Variants in SGCZ observed in about 807,000 individuals in gnomAD.
SGCZ encodes the protein sarcoglycan zeta, also known as zeta-sarcoglycan.
SGCZ carries 40 observed loss-of-function variants against 41.3 expected under a neutral mutation model. The ratio of observed to expected loss-of-function variants is 0.97; its 90% CI spans 0.75 to 1.26. The LOEUF is 1.26. SGCZ is among the 50% of genes most tolerant of loss of function. The probability of loss-of-function intolerance (pLI) is 0.00; values close to 1 mark genes in which losing one functional copy is unlikely to be tolerated. For missense variants in SGCZ, 552 were observed against 369.8 expected (o/e 1.49, Z -4.04); for synonymous variants, 206 against 137.5 (o/e 1.50, Z -3.49).
rs183213795 is a variant in SGCZ at position 15,161,750 on chromosome 8, A to T, written c.39+75835T>A. 5.3e-5 allele frequency among the ~76,000 whole-genome samples: 8 copies of T among 152,376 alleles called. No individual in the cohort carries two copies. The East Asian group carries it at 1.4e-3, about 26-fold the overall frequency. On this transcript the variant is annotated intron_variant, in intron 1 of 7. Transcript: ENST00000382080. ...ACAGTTGGCAATTAACAAATTAAAAAGAGGCTGGGTGCCGTGGCTCACATC... is the reference window on the plus strand; with the variant it reads ...ACAGTTGGCAATTAACAAATTAAAATGAGGCTGGGTGCCGTGGCTCACATC...
chr8:15,182,396 C>G (rs1459789869), intron 1 of SGCZ, among the ~76,000 whole-genome samples: 1 of 152,140 alleles, frequency 6.6e-6, no homozygotes, highest in Non-Finnish European at 1.5e-5. Context: ...TACTTAAGCA[C>G]ACACCTAGAT....
rs572774573 is a variant in SGCZ, at chr8:14,349,846, G to T, written c.235-25642C>A. Among the ~76,000 whole-genome samples, 12 of 152,116 alleles carry T rather than the reference G, an allele frequency of 7.9e-5. 1 individual carries two copies. Among genetic ancestry groups the T allele is most frequent in the East Asian group, 7.7e-4 (4 of 5,174 alleles). On this transcript the variant is annotated intron_variant, in intron 2 of 7. Transcript: ENST00000382080. ...TAGACATGCCATAAAAAAGTTCTATGACCAAATAAGTTAGAAATCATATAT... is the reference window on the plus strand; with the variant it reads ...TAGACATGCCATAAAAAAGTTCTATTACCAAATAAGTTAGAAATCATATAT...
intron 2 of SGCZ, among the ~76,000 whole-genome samples, chr8:14,434,891 C>G (rs1223542384): frequency 6.6e-6 from 1 of 152,014 alleles, no homozygotes; most frequent in Non-Finnish European, 1.5e-5. Flanking sequence ...TGTGATCGTG[C>G]CACTGCACTC....
intron 1 of SGCZ, among the ~76,000 whole-genome samples, chr8:14,567,671 A>C (rs1361771709): frequency 6.6e-6 from 1 of 152,128 alleles, no homozygotes; most frequent in African/African-American, 2.4e-5. Context: ...CGCTCTTTGC[A>C]ATAAGTCTTG....
At chr8:14,670,802 G>T (rs192159939) in intron 1 of SGCZ, among the ~76,000 whole-genome samples, 6 of 152,254 alleles carry the variant, frequency 3.9e-5, no homozygotes, top group African/African-American at 1.2e-4. Context: ...GGGACCTAAA[G>T]GTGTTTAATT....
chr8:14,515,470 T>C (rs1802593620), intron 2 of SGCZ, among the ~76,000 whole-genome samples: 1 of 152,120 alleles, frequency 6.6e-6, no homozygotes, highest in Non-Finnish European at 1.5e-5. Context: ...TAACACTATA[T>C]CTTTATTATT....
intron 1 of SGCZ, among the ~76,000 whole-genome samples, chr8:15,158,152 T>A (rs1399488258): frequency 6.8e-6 from 1 of 146,274 alleles, no homozygotes; most frequent in Non-Finnish European, 1.5e-5. Context: ...TATCACAATT[T>A]TTCTAGTTTG....
intron 1 of SGCZ, among the ~76,000 whole-genome samples, chr8:15,033,115 C>T (rs1426091972): frequency 6.6e-6 from 1 of 151,964 alleles, no homozygotes; most frequent in Non-Finnish European, 1.5e-5. Context: ...AGGTCCAGGC[C>T]TGCTTTAAGA....
intron 1 of SGCZ, among the ~76,000 whole-genome samples, chr8:14,745,356 C>G (rs1361465593): frequency 6.6e-6 from 1 of 152,152 alleles, no homozygotes; most frequent in Non-Finnish European, 1.5e-5. Flanking sequence ...GAAGCTAGAT[C>G]TGTATAATAC....
chr8:15,234,032 G>A (rs1290939067), intron 1 of SGCZ, among the ~76,000 whole-genome samples: 1 of 152,106 alleles, frequency 6.6e-6, no homozygotes, highest in Non-Finnish European at 1.5e-5. Context: ...TATTTTAAAA[G>A]ATGAGTAAAA....
intron 1 of SGCZ, among the ~76,000 whole-genome samples, chr8:15,161,438 T>C (rs1799509371): frequency 6.6e-6 from 1 of 152,206 alleles, no homozygotes; most frequent in South Asian, 2.1e-4. Flanking sequence ...GTCTTAGACA[T>C]CCTCAATTTT....
At chr8:15,214,562 C>G (rs1345529232) in intron 1 of SGCZ, among the ~76,000 whole-genome samples, 1 of 152,104 alleles carries the variant, frequency 6.6e-6, no homozygotes. Flanking sequence ...TGCACTGTTT[C>G]TAATTGCTTC....
At chr8:14,367,341 C>T (rs557407044) in intron 2 of SGCZ, among the ~76,000 whole-genome samples, 2 of 152,202 alleles carry the variant, frequency 1.3e-5, no homozygotes, top group South Asian at 4.1e-4. Flanking sequence ...ATCCCCACAT[C>T]TTCCTGTCTT....
intron 1 of SGCZ, among the ~76,000 whole-genome samples, chr8:14,607,301 A>C (rs1322419973): frequency 6.6e-6 from 1 of 152,180 alleles, no homozygotes; most frequent in African/African-American, 2.4e-5. Flanking sequence ...ATTATCCTTC[A>C]GATTGTACAT....
At chr8:14,395,999 C>T (rs191796796) in intron 2 of SGCZ, among the ~76,000 whole-genome samples, 1 of 152,256 alleles carries the variant, frequency 6.6e-6, no homozygotes, top group East Asian at 1.9e-4. Flanking sequence ...TGTATCCTCA[C>T]TGTATGTGCG....
At chr8:14,305,044 T>C (rs1357879490) in intron 3 of SGCZ, among the ~76,000 whole-genome samples, 2 of 152,170 alleles carry the variant, frequency 1.3e-5, no homozygotes, top group African/African-American at 4.8e-5. Flanking sequence ...ACAGCATACA[T>C]GGGGCATTAC....
At chr8:14,386,179 G>T (rs1481869985) in intron 2 of SGCZ, among the ~76,000 whole-genome samples, 2 of 152,014 alleles carry the variant, frequency 1.3e-5, no homozygotes, top group Non-Finnish European at 2.9e-5. Flanking sequence ...GAAAGTGAAG[G>T]GAGAACATGG....
At chr8:14,283,191 G>C (rs1262616188) in intron 3 of SGCZ, among the ~76,000 whole-genome samples, 5 of 151,786 alleles carry the variant, frequency 3.3e-5, no homozygotes, top group Non-Finnish European at 5.9e-5. Flanking sequence ...TGTCGATATA[G>C]ATTAAAAAAA....
intron 2 of SGCZ, among the ~76,000 whole-genome samples, chr8:14,515,847 C>T (rs907526262): frequency 2.0e-5 from 3 of 151,966 alleles, no homozygotes; most frequent in African/African-American, 7.2e-5. Flanking sequence ...TAGATAAGTG[C>T]TTTGCTTAGT....
Sources: allele counts gnomAD v4.1 joint callset (sites outside exome capture counted in the v4.1 genomes callset), GRCh38; gene constraint gnomAD v4.1.1; transcripts MANE v1.5; gene names NCBI Gene and HGNC (gene_info 2026-07-23, HGNC 2026-07-21).